GTF3C1: variants seen among roughly 807,000 people sequenced by gnomAD.
GTF3C1 encodes the protein general transcription factor 3C polypeptide 1.
GTF3C1 carries 57 observed loss-of-function variants against 226.7 expected under a neutral mutation model. The observed-to-expected ratio is 0.25, with a 90% CI of 0.20 to 0.31. GTF3C1 has a LOEUF of 0.31. Among genes scored for constraint, GTF3C1 ranks in the 10% least tolerant of loss-of-function variants. The probability of loss-of-function intolerance (pLI) is 1.00; values close to 1 mark genes in which losing one functional copy is unlikely to be tolerated. For missense variants in GTF3C1, 2,217 were observed against 2,776.1 expected, an observed-to-expected ratio of 0.80 and a Z score of 4.53; for synonymous variants, 1,090 against 1,084.8, an observed-to-expected ratio of 1.00 and a Z score of -0.09.
Position 27,460,794 on chromosome 16 carries a change from C to T in GTF3C1, c.*556G>A, listed in dbSNP as rs2087690968. The T allele has an allele frequency of 6.6e-6, 1 of 152,206 alleles. No homozygotes were observed. The highest frequency in any genetic ancestry group is 1.5e-5 in the Non-Finnish European group (1 of 68,064). The allele number at this position is 152,206 out of a possible 1,614,324, so 9.4% of individuals were successfully genotyped here. A position where few individuals can be genotyped will look rare whatever the true frequency, so the allele number is the denominator to read the frequency against. On this transcript the variant is annotated 3_prime_UTR_variant, in exon 37 of 37. Transcript: ENST00000356183. ...GGCTGAGGGACACGGACAGCCAGCC[C>T]AGCTGGGGCCTGCCAGGTGACTCAC...
chr16:27,512,467 G>A (rs1055107695), intron 6 of GTF3C1, among the ~76,000 whole-genome samples: 1 of 152,082 alleles, frequency 6.6e-6, no homozygotes, highest in Admixed American at 6.5e-5. Flanking sequence ...CTCAAAAAGA[G>A]GCAAAGCCTA....
In GTF3C1 at chr16:27,482,467, A is replaced by G. The variant is rs1186018041; in HGVS notation, c.4083+577T>C. ...CCTTCCTCTTCCGGGAGCTGACTACACTGTCCTGCAATGGCCATGTACTTC... is the reference window on the plus strand; with the variant it reads ...CCTTCCTCTTCCGGGAGCTGACTACGCTGTCCTGCAATGGCCATGTACTTC... On this transcript the variant is annotated intron_variant, in intron 26 of 36. Coordinates refer to ENST00000356183, the MANE Select transcript of GTF3C1 (RefSeq NM_001520.4). 1.3e-5 allele frequency: 6 copies of G among 455,820 alleles called. No individual in the cohort carries two copies. The Admixed American group carries it at 1.4e-4, about 11-fold the overall frequency. 28.2% of individuals were successfully genotyped at this position (455,820 alleles called of 1,614,324 possible). A position where few individuals can be genotyped will look rare whatever the true frequency, so the allele number is the denominator to read the frequency against.
In GTF3C1 at chr16:27,538,039, T is replaced by A; in HGVS notation, c.609-112A>T. The A allele has an allele frequency of 2.9e-6, 4 of 1,359,122 alleles. No homozygotes were observed. The South Asian group carries it at 4.1e-5, about 14-fold the overall frequency. 84.2% of individuals were successfully genotyped at this position (1,359,122 alleles called of 1,614,324 possible). ...ACACAAACCTCCTGTCCAGCCAACC[T>A]AAGAAAACAGTCACTGTGAGACCAC... On this transcript the variant is annotated intron_variant, in intron 3 of 36. Transcript: ENST00000356183.
chr16:27,543,636 G>A (rs891400160), intron 2 of GTF3C1, among the ~76,000 whole-genome samples: 1 of 152,076 alleles, frequency 6.6e-6, no homozygotes, highest in Non-Finnish European at 1.5e-5. Context: ...AGCCTCAAGT[G>A]ATCCTCCTGC....
chr16:27,471,976 C>G lies in GTF3C1; in HGVS notation c.4354-56G>C, dbSNP rs895241212. 3.3e-6 allele frequency: 5 copies of G among 1,524,742 alleles called. No individual in the cohort carries two copies. Among genetic ancestry groups the G allele is most frequent in the Non-Finnish European group, 4.5e-6 (5 of 1,102,232 alleles). The allele number at this position is 1,524,742 out of a possible 1,614,324, so 94.5% of individuals were successfully genotyped here. Reference sequence around the variant, plus strand: ...GTTCTCCAGCCGGCCACGGAGAGGGCTGGGGTATGTGGAGGCAGAGGCTGC... The same window carrying G: ...GTTCTCCAGCCGGCCACGGAGAGGGGTGGGGTATGTGGAGGCAGAGGCTGC... On this transcript the variant is annotated intron_variant, in intron 29 of 36. Coordinates refer to ENST00000356183, the MANE Select transcript of GTF3C1 (RefSeq NM_001520.4). The surrounding 1 kb of genome is among the most constrained non-coding windows in gnomAD (Gnocchi z 5.0).
At chr16:27,491,127 G>T (rs973319278) in intron 19 of GTF3C1, among the ~76,000 whole-genome samples, 2 of 152,246 alleles carry the variant, frequency 1.3e-5, no homozygotes, top group African/African-American at 4.8e-5. Flanking sequence ...CTGGACCCAT[G>T]AAAGTTTCTA....
At chr16:27,537,138 G>A (rs1374606875) in intron 4 of GTF3C1, among the ~76,000 whole-genome samples, 1 of 152,194 alleles carries the variant, frequency 6.6e-6, no homozygotes. Context: ...ATGGTTGAGT[G>A]CTGCAAAACA....
intron 6 of GTF3C1, among the ~76,000 whole-genome samples, chr16:27,517,137 C>T (rs1170430809): frequency 3.9e-5 from 6 of 152,068 alleles, no homozygotes; most frequent in Non-Finnish European, 7.4e-5. Context: ...GTGGGGAGAA[C>T]GGTAAGAGAT....
chr16:27,537,221 T>G (rs191720544), intron 4 of GTF3C1, among the ~76,000 whole-genome samples: 74 of 152,338 alleles, frequency 4.9e-4, no homozygotes, highest in African/African-American at 1.7e-3. Flanking sequence ...TACTTGTATT[T>G]TTACATCTCC....
At chr16:27,480,179 G>C (rs1199397624) in intron 27 of GTF3C1, among the ~76,000 whole-genome samples, 1 of 150,598 alleles carries the variant, frequency 6.6e-6, no homozygotes, top group Non-Finnish European at 1.5e-5. Flanking sequence ...CCAGCCCGGG[G>C]GGCCGGGGTG....
Position 27,495,441 on chromosome 16 carries a change from C to T in GTF3C1, c.2402G>A (p.Arg801Gln), listed in dbSNP as rs754458950. The change falls in exon 15 of 37, where the codon CGG becomes CAG. Residue 801 changes from arginine (R) to glutamine (Q), a missense_variant. This residue lies in a region of GTF3C1 where 100 missense variants were observed against 139.9 expected (regional missense o/e 0.71). Coordinates refer to ENST00000356183, the MANE Select transcript of GTF3C1 (RefSeq NM_001520.4). ...GTACCACAGAAACATGTGGACCACCCGCAGGCGAGGCATTTTGGGCAGAAA... is the reference window on the plus strand; with the variant it reads ...GTACCACAGAAACATGTGGACCACCTGCAGGCGAGGCATTTTGGGCAGAAA... ...LGFLPKMPRL[R>Q]VVHMFLWYLI... is the part of the protein sequence containing the mutation. The T allele has an allele frequency of 6.8e-6, 11 of 1,613,996 alleles. No individual in the cohort carries two copies. Among genetic ancestry groups the T allele is most frequent in the Admixed American group, 3.3e-5 (2 of 60,004 alleles).
chr16:27,503,092 T>A lies in GTF3C1; in HGVS notation c.1771-97A>T, dbSNP rs571322956. 1.7e-5 allele frequency: 14 copies of A among 820,772 alleles called. No individual in the cohort carries two copies. In the Admixed American group the frequency reaches 3.3e-4, roughly 19 times the overall value. The allele number at this position is 820,772 out of a possible 1,614,324, so 50.8% of individuals were successfully genotyped here. On this transcript the variant is annotated intron_variant, in intron 10 of 36. Coordinates refer to ENST00000356183, the MANE Select transcript of GTF3C1 (RefSeq NM_001520.4). ...GGTGCACTGGCCCTCTTCAAGAAAC[T>A]TCTACTCCCATCTTTCAAGAAGGGA... is the stretch of plus-strand genomic sequence containing the variant.
chr16:27,502,574 A>T (rs889360048), intron 11 of GTF3C1, among the ~76,000 whole-genome samples: 1 of 152,108 alleles, frequency 6.6e-6, no homozygotes, highest in East Asian at 1.9e-4. Flanking sequence ...AGCTGAACGC[A>T]CTTTCCCTGT....
intron 6 of GTF3C1, among the ~76,000 whole-genome samples, chr16:27,520,173 G>A (rs1410705045): frequency 1.3e-5 from 2 of 152,188 alleles, no homozygotes; most frequent in South Asian, 2.1e-4. Flanking sequence ...CTGGAGTGCA[G>A]TGGCGTGATC....
At chr16:27,496,211 C>G (rs918954954) in intron 14 of GTF3C1, among the ~76,000 whole-genome samples, 1 of 152,144 alleles carries the variant, frequency 6.6e-6, no homozygotes, top group Non-Finnish European at 1.5e-5. Flanking sequence ...CAGTAGAACC[C>G]AAGCAAATGC....
rs1313994237 is a variant in GTF3C1, at chr16:27,492,529, C to T, written c.2974-14G>A. 6.2e-7 allele frequency: 1 copy of T among 1,605,380 alleles called. No individual in the cohort carries two copies. Among genetic ancestry groups the T allele is most frequent in the Non-Finnish European group, 8.5e-7 (1 of 1,172,124 alleles). On this transcript the variant is annotated splice_polypyrimidine_tract_variant and intron_variant, in intron 18 of 36. Coordinates refer to ENST00000356183, the MANE Select transcript of GTF3C1 (RefSeq NM_001520.4). This position sits in a 1 kb window ranked among gnomAD's most constrained non-coding sequence, Gnocchi z 5.0. Reference sequence around the variant, plus strand: ...GAAGATAAAGACCTAAGGGGAGACACCAGACAGGGAGAACCCACATTGGGT... The same window carrying T: ...GAAGATAAAGACCTAAGGGGAGACATCAGACAGGGAGAACCCACATTGGGT...
At chr16:27,541,369 G>A (rs187015888) in intron 2 of GTF3C1, among the ~76,000 whole-genome samples, 62 of 152,326 alleles carry the variant, frequency 4.1e-4, no homozygotes, top group Admixed American at 1.9e-3. Flanking sequence ...CTCTGATGCC[G>A]TGCTGGGGAG....
At chr16:27,514,654 T>A (rs1168246701) in intron 6 of GTF3C1, among the ~76,000 whole-genome samples, 1 of 152,164 alleles carries the variant, frequency 6.6e-6, no homozygotes, top group Non-Finnish European at 1.5e-5. Flanking sequence ...ATATCCTGGA[T>A]GCTGTCCTAG....
chr16:27,465,781 CA>C, intron 32 of GTF3C1: 1 of 548,334 alleles, frequency 1.8e-6, no homozygotes, highest in South Asian at 2.2e-5. Flanking sequence ...TTCTCTTGGC[CA>C]CTGTGATTCT....
Sources: allele counts gnomAD v4.1 joint callset (sites outside exome capture counted in the v4.1 genomes callset), GRCh38; gene constraint gnomAD v4.1.1; regional missense constraint gnomAD v4.1.1; non-coding constraint Gnocchi (gnomAD v3.1); transcripts MANE v1.5; gene names NCBI Gene and HGNC (gene_info 2026-07-23, HGNC 2026-07-21).